ADAD1: variants seen among roughly 807,000 people sequenced by gnomAD.
ADAD1 encodes adenosine deaminase domain-containing protein 1.
Under a neutral mutation model 66.8 loss-of-function variants are expected in ADAD1, and 46 were observed. That is an observed-to-expected ratio of 0.69 (90% confidence interval 0.54 to 0.88). The LOEUF (loss-of-function observed/expected upper bound fraction) is 0.88. Among genes scored for constraint, ADAD1 ranks in the 40% least tolerant of loss-of-function variants. The pLI is 0.00. For missense variants in ADAD1, 617 were observed against 681.8 expected (o/e 0.91, Z 1.06); for synonymous variants, 248 against 229.4 (o/e 1.08, Z -0.73).
chr4:122,417,080 A>G (rs1182659403), intron 11 of ADAD1, among the ~76,000 whole-genome samples: 1 of 152,186 alleles, frequency 6.6e-6, no homozygotes, highest in Non-Finnish European at 1.5e-5. Context: ...CACGCCTATA[A>G]CCCCAAGACT....
Position 122,429,773 on chromosome 4 carries a change from T to C in ADAD1, c.*34T>C. The C allele has an allele frequency of 2.1e-6, 3 of 1,454,260 alleles. No homozygotes were observed. The highest frequency in any genetic ancestry group is 2.9e-6 in the Non-Finnish European group (3 of 1,047,932). 90.1% of individuals were successfully genotyped at this position (1,454,260 alleles called of 1,614,324 possible). A position where few individuals can be genotyped will look rare whatever the true frequency, so the allele number is the denominator to read the frequency against. On this transcript the variant is annotated 3_prime_UTR_variant, in exon 13 of 13. Coordinates refer to ENST00000296513, the MANE Select transcript of ADAD1 (RefSeq NM_139243.4). ...ATCCATTATCACATTAAAAATCTTG[T>C]TTTGTTTGGTGTGTTTTGACTAGTA... is the stretch of plus-strand genomic sequence containing the variant.
chr4:122,393,629 A>G lies in ADAD1; in HGVS notation c.570A>G (p.Glu190=). The change falls in exon 6 of 13, where the codon GAA becomes GAG. Residue 190 remains glutamate (E), a synonymous_variant. Coordinates refer to ENST00000296513, the MANE Select transcript of ADAD1 (RefSeq NM_139243.4). The part of the protein sequence containing the change: ...PFPAEPVVLS[E]LAYVSKVHYE... Reference sequence around the variant, plus strand: ...CTGCAGAACCTGTTGTTTTATCTGAACTAGCATATGTTTCAAAAGTACATT... The same window carrying G: ...CTGCAGAACCTGTTGTTTTATCTGAGCTAGCATATGTTTCAAAAGTACATT... The G allele has an allele frequency of 6.2e-7, 1 of 1,603,394 alleles. No homozygotes were observed. The highest frequency in any genetic ancestry group is 8.5e-7 in the Non-Finnish European group (1 of 1,176,026).
At chr4:122,384,000 G>T in intron 5 of ADAD1, 34 bp downstream of exon 5, 1 of 1,509,450 alleles carries the variant, frequency 6.6e-7, no homozygotes, top group South Asian at 1.3e-5. Context: ...ATTTATAAGA[G>T]GTATCATTTT....
chr4:122,421,334 C>A lies in ADAD1; in HGVS notation c.1561C>A (p.Leu521Ile). 6.2e-7 allele frequency: 1 copy of A among 1,605,298 alleles called. No individual in the cohort carries two copies. The highest frequency in any genetic ancestry group is 8.5e-7 in the Non-Finnish European group (1 of 1,173,940). Residue 521 changes from leucine (L) to isoleucine (I), a missense_variant, in exon 12 of 13, where the codon CTT (leucine) becomes ATT (isoleucine). By Grantham distance (5) the Leu-to-Ile change is conservative. Transcript: ENST00000296513. The part of the protein sequence containing the change: ...KAAMLSRFNL[L>I]AKEAKKELLE... ...TGCAATGTTAAGTCGGTTTAACCTG[C>A]TTGCCAAAGAAGCTAAAAAAGAATT... is the stretch of plus-strand genomic sequence containing the variant.
intron 7 of ADAD1, among the ~76,000 whole-genome samples, chr4:122,406,955 T>C (rs1796241163): frequency 6.6e-6 from 1 of 152,156 alleles, no homozygotes; most frequent in Non-Finnish European, 1.5e-5. Context: ...ATCTTTTTTC[T>C]GTTTCTTCTG....
intron 8 of ADAD1, 85 bp from the exon 9 acceptor site, chr4:122,411,137 C>A: frequency 9.2e-7 from 1 of 1,082,470 alleles, no homozygotes; most frequent in Non-Finnish European, 1.3e-6. Context: ...CAGGACATTG[C>A]TTCTGACACA....
intron 7 of ADAD1, among the ~76,000 whole-genome samples, chr4:122,405,925 G>A (rs1408575579): frequency 6.6e-6 from 1 of 152,004 alleles, no homozygotes; most frequent in African/African-American, 2.4e-5. Flanking sequence ...TCTTTTTGGG[G>A]GGGCTGAAAA....
intron 11 of ADAD1, among the ~76,000 whole-genome samples, chr4:122,419,248 G>C (rs1205598868): frequency 6.6e-6 from 1 of 152,164 alleles, no homozygotes; most frequent in Non-Finnish European, 1.5e-5. Flanking sequence ...TGGAGCTGGA[G>C]GCCGCTATCG....
At chr4:122,403,752 A>G (rs1290772569) in intron 7 of ADAD1, among the ~76,000 whole-genome samples, 2 of 152,152 alleles carry the variant, frequency 1.3e-5, no homozygotes, top group East Asian at 3.9e-4. Flanking sequence ...AGAGCTCCCA[A>G]GAGTGCCTTT....
chr4:122,422,250 G>A (rs1797035277), intron 12 of ADAD1, among the ~76,000 whole-genome samples: 1 of 151,088 alleles, frequency 6.6e-6, no homozygotes, highest in African/African-American at 2.4e-5. Flanking sequence ...TCAGCCTCCT[G>A]AGTAGCTGAG....
intron 5 of ADAD1, among the ~76,000 whole-genome samples, chr4:122,391,273 C>A (rs1795422735): frequency 6.6e-6 from 1 of 152,162 alleles, no homozygotes; most frequent in African/African-American, 2.4e-5. Context: ...GGGGCACCAA[C>A]CTGATGCCGG....
chr4:122,385,918 A>G (rs1029515352), intron 5 of ADAD1, among the ~76,000 whole-genome samples: 1 of 152,122 alleles, frequency 6.6e-6, no homozygotes, highest in East Asian at 1.9e-4. Context: ...TATATGTACC[A>G]TATTTTCTTT....
At chr4:122,421,585 T>A (rs1249917145) in intron 12 of ADAD1, among the ~76,000 whole-genome samples, 195 bp downstream of exon 12, 1 of 152,170 alleles carries the variant, frequency 6.6e-6, no homozygotes, top group Non-Finnish European at 1.5e-5. Flanking sequence ...CCATTTAAAG[T>A]AGCCATTTTA....
At chr4:122,390,091 G>A (rs1045917110) in intron 5 of ADAD1, among the ~76,000 whole-genome samples, 1 of 152,158 alleles carries the variant, frequency 6.6e-6, no homozygotes, top group African/African-American at 2.4e-5. Flanking sequence ...TCTCTGAAAA[G>A]GATTTTATTT....
intron 12 of ADAD1, among the ~76,000 whole-genome samples, chr4:122,426,240 C>T (rs574598601): frequency 1.2e-3 from 186 of 152,182 alleles, no homozygotes; most frequent in Non-Finnish European, 2.2e-3. Context: ...TCAGCAGACA[C>T]ATTAGATGAA....
intron 7 of ADAD1, among the ~76,000 whole-genome samples, chr4:122,397,945 A>G (rs1402574116): frequency 3.9e-5 from 6 of 152,214 alleles, no homozygotes; most frequent in African/African-American, 9.7e-5. Flanking sequence ...AGTAACTCAC[A>G]TAATCAGTAC....
intron 12 of ADAD1, among the ~76,000 whole-genome samples, chr4:122,425,807 G>A (rs1419906629): frequency 6.6e-6 from 1 of 151,664 alleles, no homozygotes. Flanking sequence ...GTATTTCTAG[G>A]GGGTCCTCGA....
chr4:122,417,617 A>G (rs1394598336), intron 11 of ADAD1, among the ~76,000 whole-genome samples: 1 of 152,182 alleles, frequency 6.6e-6, no homozygotes, highest in East Asian at 1.9e-4. Context: ...GGTGGACAAA[A>G]CAGTAAACAA....
chr4:122,411,370 T>G lies in ADAD1; in HGVS notation c.997T>G (p.Ser333Ala). ...CLYMNQLPKG[S>A]AQIKSQLRLN... ...TTACATGAACCAGTTGCCTAAAGGA[T>G]CAGCCCAGATTAAGTCACAGTTGTA... Residue 333 changes from serine (S) to alanine (A), a missense_variant, in exon 9 of 13, where the codon TCA becomes GCA. By Grantham distance (99) the Ser-to-Ala change is moderately conservative. Transcript: ENST00000296513. 1 of 1,612,596 alleles carries G rather than the reference T, an allele frequency of 6.2e-7. No individual in the cohort carries two copies. Among genetic ancestry groups the G allele is most frequent in the Non-Finnish European group, 8.5e-7 (1 of 1,179,536 alleles).
Sources: gnomAD v4.1 joint callset for allele counts (sites outside exome capture counted in the v4.1 genomes callset) on GRCh38, gnomAD v4.1.1 for gene constraint, MANE v1.5 for transcripts, NCBI Gene and HGNC (gene_info 2026-07-23, HGNC 2026-07-21) for gene names.